Variants in SCMH1 observed in about 807,000 individuals in gnomAD.
SCMH1 encodes the protein polycomb protein SCMH1.
Under a neutral mutation model 70.8 loss-of-function variants are expected in SCMH1, and 37 were observed. The ratio of observed to expected loss-of-function variants is 0.52; its 90% confidence interval spans 0.40 to 0.69. The LOEUF (loss-of-function observed/expected upper bound fraction) is 0.69. SCMH1 is among the 30% of genes least tolerant of loss of function. The pLI is 0.00. For synonymous variants in SCMH1, 292 were observed against 307.4 expected (o/e 0.95, Z 0.52); for missense variants, 607 against 827.3 (o/e 0.73, Z 3.27).
chr1:41,120,979 CT>C (rs1671792687), intron 6 of SCMH1, among the ~76,000 whole-genome samples: 1 of 152,230 alleles, frequency 6.6e-6, no homozygotes, highest in Non-Finnish European at 1.5e-5. Context: ...TGGATCACTA[CT>C]ACTATTCTGA....
chr1:41,075,544 T>C (rs760219083), intron 8 of SCMH1, 93 bp from the exon 9 acceptor site: 63 of 1,040,092 alleles, frequency 6.1e-5, no homozygotes, highest in Non-Finnish European at 8.1e-5. Context: ...TCTGCTCAGG[T>C]AGTTTTGTTC....
intron 1 of SCMH1, among the ~76,000 whole-genome samples, chr1:41,231,670 T>C (rs1661320584): frequency 6.6e-6 from 1 of 152,220 alleles, no homozygotes; most frequent in Admixed American, 6.5e-5. Flanking sequence ...AGCCTCTTCT[T>C]GGCTGACACT....
At chr1:41,100,377 A>G (rs1666250701) in intron 8 of SCMH1, among the ~76,000 whole-genome samples, 1 of 152,092 alleles carries the variant, frequency 6.6e-6, no homozygotes. Context: ...CAGCAAAAAA[A>G]ATTAACTACC....
chr1:41,086,816 G>A (rs1188256887), intron 8 of SCMH1, among the ~76,000 whole-genome samples: 2 of 147,226 alleles, frequency 1.4e-5, no homozygotes. Context: ...GAAGCTGATC[G>A]TTTGAGCTCA....
intron 10 of SCMH1, among the ~76,000 whole-genome samples, chr1:41,056,095 A>T (rs1650185876): frequency 6.6e-6 from 1 of 152,214 alleles, no homozygotes; most frequent in Non-Finnish European, 1.5e-5. Context: ...CTGATTGATC[A>T]ATAGAATATG....
intron 1 of SCMH1, among the ~76,000 whole-genome samples, chr1:41,240,197 T>G (rs754356821): frequency 2.6e-5 from 4 of 152,234 alleles, no homozygotes; most frequent in Non-Finnish European, 5.9e-5. Context: ...AAATGAAGGC[T>G]TAAGAACAAA....
chr1:41,219,411 G>A (rs1301475142), intron 1 of SCMH1, among the ~76,000 whole-genome samples: 4 of 152,200 alleles, frequency 2.6e-5, no homozygotes, highest in Admixed American at 2.6e-4. Context: ...AGTATGGGTG[G>A]CCTGGGGATC....
At chr1:41,058,582 G>A (rs912867103) in intron 10 of SCMH1, among the ~76,000 whole-genome samples, 5 of 151,732 alleles carry the variant, frequency 3.3e-5, no homozygotes, top group African/African-American at 7.3e-5. Context: ...GGGTTTCACC[G>A]TGTTAGCCAG....
intron 10 of SCMH1, among the ~76,000 whole-genome samples, chr1:41,067,273 T>C (rs1006116732): frequency 1.3e-5 from 2 of 151,836 alleles, no homozygotes; most frequent in African/African-American, 4.8e-5. Flanking sequence ...TGAAACCCCA[T>C]CTCTACTAAA....
chr1:41,066,253 T>C lies in SCMH1; in HGVS notation c.1105+4342A>G, dbSNP rs949374622. ...TTCCCTCTCCTGGTCTTCTGGCAGC[T>C]CCCTATGTCAGTTTCAGGGGTTGGG... On this transcript the variant is annotated intron_variant, in intron 10 of 14. Coordinates refer to ENST00000337495, the Ensembl canonical transcript of SCMH1. Among the ~76,000 whole-genome samples the C allele has an allele frequency of 2.0e-5, 3 of 152,172 alleles. 1 individual carries two copies. The highest frequency in any genetic ancestry group is 1.3e-4 in the Admixed American group (2 of 15,280).
At chr1:41,095,401 C>T (rs992804256) in intron 8 of SCMH1, among the ~76,000 whole-genome samples, 5 of 152,056 alleles carry the variant, frequency 3.3e-5, no homozygotes, top group African/African-American at 7.2e-5. Context: ...ATTTGCAGTC[C>T]CACAGTCACA....
chr1:41,075,262 G>A (rs758581293), exon 9 of SCMH1: 10 of 1,614,032 alleles, frequency 6.2e-6, no homozygotes, highest in Admixed American at 1.7e-5. Context: ...GAATTTCAAA[G>A]GTTCAGCTGT....
rs138897269 is a variant in SCMH1, at chr1:41,191,988, C to T, written c.-117-5738G>A. On this transcript the variant is annotated intron_variant, in intron 1 of 14. Coordinates refer to ENST00000337495, the Ensembl canonical transcript of SCMH1. ...TATATCTCAATTGGATATACCAGCT[C>T]TTCAAGTATTTTAGGACAGCTTTCA... is the stretch of plus-strand genomic sequence containing the variant. Among the ~76,000 whole-genome samples the T allele has an allele frequency of 9.2e-5, 14 of 152,232 alleles. No individual in the cohort carries two copies. In the East Asian group the frequency reaches 2.7e-3, roughly 29 times the overall value.
At chr1:41,207,735 A>G (rs1042942529) in intron 1 of SCMH1, among the ~76,000 whole-genome samples, 4 of 152,220 alleles carry the variant, frequency 2.6e-5, no homozygotes, top group Non-Finnish European at 5.9e-5. Context: ...CAGAATATAC[A>G]TTCTTCTCAG....
chr1:41,078,818 G>C (rs1659127019), intron 8 of SCMH1, among the ~76,000 whole-genome samples: 1 of 152,142 alleles, frequency 6.6e-6, no homozygotes, highest in East Asian at 1.9e-4. Flanking sequence ...CATTCCAAAT[G>C]GAAACATGAA....
chr1:41,031,076 C>T lies in SCMH1; in HGVS notation c.1679-2350G>A, dbSNP rs375871964. ...CCAAGGCAGGAGGATCGCTTGAGGC[C>T]GGGAGTTTGAGACCAGCCTGGGCAA... On this transcript the variant is annotated intron_variant, in intron 13 of 14. Coordinates refer to ENST00000337495, the Ensembl canonical transcript of SCMH1. Among the ~76,000 whole-genome samples, 6 of 152,182 alleles carry T rather than the reference C, an allele frequency of 3.9e-5. No individual in the cohort carries two copies. In the East Asian group the frequency reaches 1.2e-3, roughly 29 times the overall value.
chr1:41,165,550 T>C (rs1441058524), intron 2 of SCMH1, among the ~76,000 whole-genome samples: 1 of 152,162 alleles, frequency 6.6e-6, no homozygotes, highest in Admixed American at 6.5e-5. Context: ...CCAACATTTA[T>C]CTTTCATCTT....
chr1:41,143,849 C>A (rs769892207), intron 5 of SCMH1, among the ~76,000 whole-genome samples: 1 of 152,170 alleles, frequency 6.6e-6, no homozygotes, highest in African/African-American at 2.4e-5. Context: ...AGAAGATGTA[C>A]TTTCTTTTTT....
At chr1:41,066,265 T>C (rs926895569) in intron 10 of SCMH1, among the ~76,000 whole-genome samples, 1 of 152,086 alleles carries the variant, frequency 6.6e-6, no homozygotes, top group Non-Finnish European at 1.5e-5. Context: ...CCTATGTCAG[T>C]TTCAGGGGTT....
Sources: gnomAD v4.1 joint callset for allele counts (sites outside exome capture counted in the v4.1 genomes callset) on GRCh38, gnomAD v4.1.1 for gene constraint, MANE v1.5 for transcripts, NCBI Gene and HGNC (gene_info 2026-07-23, HGNC 2026-07-21) for gene names.